APOBEC3B: variants seen among roughly 807,000 people sequenced by gnomAD.
APOBEC3B encodes the protein apolipoprotein B mRNA editing enzyme catalytic subunit 3B.
In APOBEC3B, 29 loss-of-function variants were observed where a neutral mutation model predicts 53.4. The ratio of observed to expected loss-of-function variants is 0.54; its 90% CI spans 0.40 to 0.74. The LOEUF (loss-of-function observed/expected upper bound fraction) is 0.74, where lower values mean the gene tolerates loss of function less well. Ranked by LOEUF, APOBEC3B falls within the 30% of genes least tolerant of loss-of-function variation. APOBEC3B has a pLI of 0.00. For synonymous variants in APOBEC3B, 132 were observed against 184.8 expected (o/e 0.71, Z 2.32); for missense variants, 347 against 496.2 (o/e 0.70, Z 2.86).
Position 38,982,766 on chromosome 22 carries a change from G to A in APOBEC3B, c.17+296G>A, listed in dbSNP as rs369433021. Among the ~76,000 whole-genome samples the A allele has an allele frequency of 4.0e-5, 6 of 148,998 alleles. 1 individual carries two copies. In the East Asian group the frequency reaches 1.3e-3, roughly 33 times the overall value. On this transcript the variant is annotated intron_variant, in intron 1 of 7. Coordinates refer to ENST00000333467, the MANE Select transcript of APOBEC3B (RefSeq NM_004900.5). ...CGCCCTGGGAGGGTGCTCCCTCTGT[G>A]TGCTTCCTGCCACTCCTGAGCTCAG...
At chr22:38,990,823 G>A (rs1250267917) in intron 5 of APOBEC3B, among the ~76,000 whole-genome samples, 2 of 145,440 alleles carry the variant, frequency 1.4e-5, no homozygotes, top group Admixed American at 7.1e-5. Flanking sequence ...TTGGGGCTCC[G>A]CCGGCCCCTC....
chr22:38,982,440 C>T lies in APOBEC3B; in HGVS notation c.-14C>T. The T allele has an allele frequency of 6.3e-7, 1 of 1,593,646 alleles. No individual in the cohort carries two copies. The highest frequency in any genetic ancestry group is 8.5e-7 in the Non-Finnish European group (1 of 1,172,554). ...AAGAGCGGGACAGGGACAAGCGTAT[C>T]TAAGAGGCTGAACATGAATCCACAG... On this transcript the variant is annotated 5_prime_UTR_variant, in exon 1 of 8. Transcript: ENST00000333467.
rs1356518758 is a variant in APOBEC3B at position 38,992,758 on chromosome 22, A to G, written c.*313A>G. On this transcript the variant is annotated 3_prime_UTR_variant, in exon 8 of 8. Coordinates refer to ENST00000333467, the MANE Select transcript of APOBEC3B (RefSeq NM_004900.5). The stretch of plus-strand genomic sequence containing the variant: ...ACTAATAAAACATTAAGAATCTTCC[A>G]TAATTGTTTCCACAAACACTAGCAA... 7.2e-6 allele frequency: 5 copies of G among 698,878 alleles called. No homozygotes were observed. Among genetic ancestry groups the G allele is most frequent in the Non-Finnish European group, 4.5e-6 (2 of 439,740 alleles). The allele number at this position is 698,878 out of a possible 1,614,324, so 43.3% of individuals were successfully genotyped here. A position where few individuals can be genotyped will look rare whatever the true frequency, so the allele number is the denominator to read the frequency against.
chr22:38,988,125 C>T lies in APOBEC3B; in HGVS notation c.570-1332C>T, dbSNP rs764856130. 5.4e-5 allele frequency among the ~76,000 whole-genome samples: 8 copies of T among 148,458 alleles called. 2 individuals carry two copies. The highest frequency in any genetic ancestry group is 4.4e-4 in the South Asian group (2 of 4,520). On this transcript the variant is annotated intron_variant, in intron 4 of 7. Coordinates refer to ENST00000333467, the MANE Select transcript of APOBEC3B (RefSeq NM_004900.5). ...TAAAAAGGAGACAAGAACTCCTCTTCGAGCTTTTCTGATGAGCACTCACCT... is the reference window on the plus strand; with the variant it reads ...TAAAAAGGAGACAAGAACTCCTCTTTGAGCTTTTCTGATGAGCACTCACCT...
Position 38,988,686 on chromosome 22 carries a change from T to TCTTTCTCTCC in APOBEC3B, c.570-771_570-770insCTTTCTCTCC, listed in dbSNP as rs1555894373. On this transcript the variant is annotated intron_variant, in intron 4 of 7. Transcript: ENST00000333467. ...CTTCCTCTCTCTTTCTCTCTTTCTC[T>TCTTTCTCTCC]TTCTTTCTTTCTTTCTTTCTTTCTT... Among the ~76,000 whole-genome samples the TCTTTCTCTCC allele has an allele frequency of 4.4e-4, 20 of 45,772 alleles. 2 individuals are homozygous for TCTTTCTCTCC. The highest frequency in any genetic ancestry group is 1.8e-3 in the African/African-American group (20 of 11,076). 30.0% of individuals were successfully genotyped at this position (45,772 alleles called of 152,430 possible). A position where few individuals can be genotyped will look rare whatever the true frequency, so the allele number is the denominator to read the frequency against.
chr22:38,990,178 G>C lies in APOBEC3B; in HGVS notation c.723+568G>C, dbSNP rs191704690. ...TCTTCCCTGGCCCCTACCCAGCACA[G>C]CCTCTGTCTGGAGAGGCCAAGTTCT... On this transcript the variant is annotated intron_variant, in intron 5 of 7. Coordinates refer to ENST00000333467, the MANE Select transcript of APOBEC3B (RefSeq NM_004900.5). Among the ~76,000 whole-genome samples, 40 of 148,430 alleles carry C rather than the reference G, an allele frequency of 2.7e-4. 4 individuals are homozygous for C. The highest frequency in any genetic ancestry group is 8.8e-4 in the African/African-American group (36 of 40,932).
At chr22:38,982,742 G>A (rs1298973317) in intron 1 of APOBEC3B, among the ~76,000 whole-genome samples, 11 of 148,834 alleles carry the variant, frequency 7.4e-5, no homozygotes, top group South Asian at 6.6e-4. Context: ...GGTGCTCCCC[G>A]CCCTGGGAGG....
In APOBEC3B at chr22:38,990,451, C is replaced by A. The variant is rs1923949637; in HGVS notation, c.723+841C>A. Among the ~76,000 whole-genome samples, 2 of 147,688 alleles carry A rather than the reference C, an allele frequency of 1.4e-5. 1 individual carries two copies. Among genetic ancestry groups the A allele is most frequent in the South Asian group, 4.5e-4 (2 of 4,494 alleles). ...TCTTTGTCCCCATCACAATCACAGT[C>A]CTTGCTGCCCTGCTGTCCCCAACTT... is the stretch of plus-strand genomic sequence containing the variant. On this transcript the variant is annotated intron_variant, in intron 5 of 7. Coordinates refer to ENST00000333467, the MANE Select transcript of APOBEC3B (RefSeq NM_004900.5).
intron 4 of APOBEC3B, among the ~76,000 whole-genome samples, chr22:38,987,691 A>G (rs932797783): frequency 2.0e-5 from 3 of 148,686 alleles, no homozygotes; most frequent in African/African-American, 7.3e-5. Context: ...CGCTGTGAGC[A>G]GAGGAGGATG....
rs73419948 is a variant in APOBEC3B, at chr22:38,986,477, G to A, written c.569+65G>A. 3.0e-3 allele frequency: 4,617 copies of A among 1,544,048 alleles called. 272 individuals carry two copies. The African/African-American group carries it at 0.043, about 14-fold the overall frequency. On this transcript the variant is annotated intron_variant, in intron 4 of 7. Transcript: ENST00000333467. Reference sequence around the variant, plus strand: ...ACCTGCTCATCCTCCTGAGGCCTCCGTTGGCCTGGCCCTCCCGCCCTCCCT... The same window carrying A: ...ACCTGCTCATCCTCCTGAGGCCTCCATTGGCCTGGCCCTCCCGCCCTCCCT...
chr22:38,985,359 C>G (rs1376112802), intron 2 of APOBEC3B, among the ~76,000 whole-genome samples: 3 of 148,514 alleles, frequency 2.0e-5, no homozygotes, highest in African/African-American at 7.4e-5. Flanking sequence ...GCTGAACAGT[C>G]ACATGAGGGT....
chr22:38,989,463 G>T lies in APOBEC3B; in HGVS notation c.576G>T (p.Leu192=). 1 of 1,567,950 alleles carries T rather than the reference G, an allele frequency of 6.4e-7. No individual in the cohort carries two copies. The highest frequency in any genetic ancestry group is 8.7e-7 in the Non-Finnish European group (1 of 1,153,426). ...CCCCTGTCTTTGTCCACAGATACCT[G>T]ATGGATCCAGACACATTCACTTTCA... ...HRTLKEILRY[L]MDPDTFTFNF... The change falls in exon 5 of 8, where the codon CTG becomes CTT. Residue 192 remains leucine, a synonymous_variant. Coordinates refer to ENST00000333467, the MANE Select transcript of APOBEC3B (RefSeq NM_004900.5).
chr22:38,984,378 A>G (rs1923651987), intron 2 of APOBEC3B, 147 bp downstream of exon 2: 11 of 1,065,278 alleles, frequency 1.0e-5, no homozygotes, highest in Admixed American at 3.3e-5. Flanking sequence ...TAACAAAGAC[A>G]GACTGAGGTA....
Position 38,984,183 on chromosome 22 carries a change from G to C in APOBEC3B, c.126G>C (p.Lys42Asn). The C allele has an allele frequency of 6.3e-7, 1 of 1,592,748 alleles. No individual in the cohort carries two copies. Among genetic ancestry groups the C allele is most frequent in the Non-Finnish European group, 8.5e-7 (1 of 1,172,460 alleles). The change falls in exon 2 of 8, where the codon AAG (lysine) becomes AAC (asparagine). Residue 42 changes from lysine (K) to asparagine (N), a missense_variant. Lys to Asn is a moderately conservative substitution (Grantham distance 94). Around this residue, in one of 5 missense-constraint regions of APOBEC3B, gnomAD observed 73 missense variants for 90.9 expected, o/e 0.80. Coordinates refer to ENST00000333467, the MANE Select transcript of APOBEC3B (RefSeq NM_004900.5). ...GGCTGTGCTATGAAGTGAAAATAAA[G>C]AGGGGCCGCTCAAATCTCCTTTGGG... ...YTWLCYEVKI[K>N]RGRSNLLWDT...
intron 5 of APOBEC3B, among the ~76,000 whole-genome samples, chr22:38,990,497 G>A (rs1253706960): frequency 6.8e-6 from 1 of 147,608 alleles, no homozygotes; most frequent in African/African-American, 2.5e-5. Flanking sequence ...TAGTCTTAGT[G>A]GAAAATCCTT....
chr22:38,988,291 G>T (rs1321953892), intron 4 of APOBEC3B, among the ~76,000 whole-genome samples: 3 of 148,400 alleles, frequency 2.0e-5, no homozygotes, highest in African/African-American at 7.4e-5. Flanking sequence ...TCCACCTCCT[G>T]GGGCAGATGC....
chr22:38,989,526 G>T lies in APOBEC3B; in HGVS notation c.639G>T (p.Gln213His). The T allele has an allele frequency of 6.3e-7, 1 of 1,589,962 alleles. No individual in the cohort carries two copies. The highest frequency in any genetic ancestry group is 8.5e-7 in the Non-Finnish European group (1 of 1,170,116). Residue 213 changes from glutamine to histidine, a missense_variant, in exon 5 of 8, where the codon CAG becomes CAT. By Grantham distance (24) the Gln-to-His change is conservative. Coordinates refer to ENST00000333467, the MANE Select transcript of APOBEC3B (RefSeq NM_004900.5). ...NNDPLVLRRR[Q>H]TYLCYEVERL... Reference sequence around the variant, plus strand: ...ACCCTTTGGTCCTTCGACGGCGCCAGACCTACTTGTGCTATGAGGTGGAGC... The same window carrying T: ...ACCCTTTGGTCCTTCGACGGCGCCATACCTACTTGTGCTATGAGGTGGAGC...
At position 38,986,070 on chromosome 22, in the gene APOBEC3B, G is replaced by C; in HGVS notation, c.433G>C (p.Val145Leu). ...CAGGCTGAGTCAGGCAGGAGCCCGC[G>C]TGACGATCATGGACTATGAAGGTGA... ...LCRLSQAGAR[V>L]TIMDYEEFAY... Residue 145 changes from valine to leucine, a missense_variant, in exon 3 of 8, where the codon GTG (valine) becomes CTG (leucine). Around this residue, in one of 5 missense-constraint regions of APOBEC3B, gnomAD observed 156 missense variants for 166.7 expected, o/e 0.94. Coordinates refer to ENST00000333467, the MANE Select transcript of APOBEC3B (RefSeq NM_004900.5). The C allele has an allele frequency of 6.3e-7, 1 of 1,592,466 alleles. No individual in the cohort carries two copies. Among genetic ancestry groups the C allele is most frequent in the Non-Finnish European group, 8.5e-7 (1 of 1,172,516 alleles).
intron 2 of APOBEC3B, among the ~76,000 whole-genome samples, chr22:38,985,388 C>A (rs1308545591): frequency 2.7e-5 from 4 of 148,412 alleles, no homozygotes; most frequent in Non-Finnish European, 5.9e-5. Flanking sequence ...TTGCCACAAG[C>A]TCAGGGGATG....
Sources: gnomAD v4.1 joint callset for allele counts (sites outside exome capture counted in the v4.1 genomes callset) on GRCh38, gnomAD v4.1.1 for gene constraint, gnomAD v4.1.1 regional missense constraint, MANE v1.5 for transcripts, NCBI Gene and HGNC (gene_info 2026-07-23, HGNC 2026-07-21) for gene names.